LRRIQ3: variants seen among roughly 807,000 people sequenced by gnomAD.
LRRIQ3 encodes the protein leucine rich repeats and IQ motif containing 3, also known as leucine-rich repeat and IQ domain-containing protein 3.
In LRRIQ3, 75 loss-of-function variants were observed where a neutral mutation model predicts 59.3. The ratio of observed to expected loss-of-function variants is 1.26; its 90% CI spans 1.05 to 1.53. The LOEUF is 1.53. Ranked by LOEUF, LRRIQ3 falls within the 40% of genes most tolerant of loss-of-function variation. The pLI is 0.00. For synonymous variants in LRRIQ3, 250 were observed against 231.3 expected (o/e 1.08, Z -0.73); for missense variants, 831 against 710.0 (o/e 1.17, Z -1.94).
chr1:74,196,076 A>G (rs1265473663), intron 1 of LRRIQ3, among the ~76,000 whole-genome samples: 1 of 152,082 alleles, frequency 6.6e-6, no homozygotes, highest in East Asian at 1.9e-4. Context: ...AGCTGATAAT[A>G]TGGTATATTT....
chr1:74,149,628 T>C (rs2100654278), intron 4 of LRRIQ3, among the ~76,000 whole-genome samples: 1 of 152,278 alleles, frequency 6.6e-6, no homozygotes, highest in East Asian at 1.9e-4. Flanking sequence ...GTGCATTTTC[T>C]CATGTTTATT....
At chr1:74,172,659 T>C (rs1318386834) in intron 3 of LRRIQ3, among the ~76,000 whole-genome samples, 1 of 152,180 alleles carries the variant, frequency 6.6e-6, no homozygotes, top group Non-Finnish European at 1.5e-5. Flanking sequence ...CTATCAATTG[T>C]TGAAAGTGGG....
At chr1:74,180,564 A>G (rs1053847771) in intron 3 of LRRIQ3, 9 of 627,904 alleles carry the variant, frequency 1.4e-5, no homozygotes, top group African/African-American at 3.8e-5. Context: ...TTTCTGTCCC[A>G]GTTATCCAGC....
intron 7 of LRRIQ3, among the ~76,000 whole-genome samples, chr1:74,033,290 G>T (rs1653773969): frequency 6.6e-6 from 1 of 151,934 alleles, no homozygotes; most frequent in Non-Finnish European, 1.5e-5. Context: ...CATAATCAAG[G>T]CAATGAAATG....
chr1:74,164,780 A>C (rs887320693), intron 3 of LRRIQ3, among the ~76,000 whole-genome samples: 1 of 151,574 alleles, frequency 6.6e-6, no homozygotes, highest in African/African-American at 2.4e-5. Context: ...AAAATTCTGT[A>C]ACTTTACATC....
intron 3 of LRRIQ3, among the ~76,000 whole-genome samples, chr1:74,165,265 T>C (rs781477070): frequency 2.0e-5 from 3 of 151,614 alleles, no homozygotes; most frequent in Non-Finnish European, 4.4e-5. Context: ...TCTTTATTTT[T>C]ATTTTTTAAA....
At chr1:74,105,259 T>A (rs201572284) in intron 5 of LRRIQ3, among the ~76,000 whole-genome samples, 73 of 22,616 alleles carry the variant, frequency 3.2e-3, no homozygotes, top group Non-Finnish European at 2.9e-3. Context: ...GTGTGTGTAT[T>A]TTTTTTTTTT....
intron 1 of LRRIQ3, among the ~76,000 whole-genome samples, chr1:74,191,890 T>C (rs1650788675): frequency 6.6e-6 from 1 of 151,970 alleles, no homozygotes; most frequent in African/African-American, 2.4e-5. Flanking sequence ...GAGCAGCAAA[T>C]TTAATCCAAA....
intron 3 of LRRIQ3, among the ~76,000 whole-genome samples, chr1:74,170,271 T>C (rs1380693472): frequency 6.6e-6 from 1 of 152,112 alleles, no homozygotes; most frequent in African/African-American, 2.4e-5. Flanking sequence ...GTCAAGAAGG[T>C]TTTCCCCTTT....
chr1:74,031,468 T>C (rs1039501704), intron 7 of LRRIQ3, among the ~76,000 whole-genome samples: 1 of 152,036 alleles, frequency 6.6e-6, no homozygotes, highest in African/African-American at 2.4e-5. Flanking sequence ...TGTAGGGACA[T>C]GGATGAAGCT....
intron 5 of LRRIQ3, among the ~76,000 whole-genome samples, chr1:74,092,764 T>C (rs1488671531): frequency 6.6e-6 from 1 of 152,058 alleles, no homozygotes; most frequent in East Asian, 1.9e-4. Context: ...ATTCTAGTGA[T>C]TCAGGGCCTT....
chr1:74,068,493 T>C (rs1033243668), intron 6 of LRRIQ3, among the ~76,000 whole-genome samples: 2 of 152,094 alleles, frequency 1.3e-5, no homozygotes, highest in African/African-American at 4.8e-5. Flanking sequence ...AGCTGGGCAA[T>C]GCAGGGGAGC....
At chr1:74,127,922 C>A (rs1464980787) in intron 4 of LRRIQ3, among the ~76,000 whole-genome samples, 2 of 151,842 alleles carry the variant, frequency 1.3e-5, no homozygotes, top group Non-Finnish European at 2.9e-5. Context: ...TTGATGAAAT[C>A]CCTCAGTTTT....
intron 7 of LRRIQ3, among the ~76,000 whole-genome samples, chr1:74,039,307 C>T (rs1475856521): frequency 2.0e-5 from 3 of 152,028 alleles, no homozygotes; most frequent in Admixed American, 1.3e-4. Flanking sequence ...AACAAAATCT[C>T]TGAGAAATAT....
intron 4 of LRRIQ3, among the ~76,000 whole-genome samples, chr1:74,143,917 T>A (rs879296330): frequency 1.8e-4 from 28 of 151,896 alleles, no homozygotes; most frequent in Admixed American, 1.3e-4. Context: ...TAATTTTAAA[T>A]GAGACTAATC....
intron 2 of LRRIQ3, 117 bp downstream of exon 2, chr1:74,183,319 G>A: frequency 3.4e-6 from 3 of 878,908 alleles, no homozygotes; most frequent in Non-Finnish European, 5.0e-6. Context: ...TTAAATTTTT[G>A]TTTATATTTT....
chr1:74,085,021 T>A (rs1646311643), intron 5 of LRRIQ3, among the ~76,000 whole-genome samples: 1 of 151,796 alleles, frequency 6.6e-6, no homozygotes, highest in Admixed American at 6.6e-5. Context: ...TATGTTTTAT[T>A]CTTTGACTTG....
chr1:74,198,103 G>C lies in LRRIQ3; in HGVS notation c.-108C>G. The C allele has an allele frequency of 1.5e-6, 2 of 1,345,986 alleles. No individual in the cohort carries two copies. Among genetic ancestry groups the C allele is most frequent in the East Asian group, 2.5e-5 (1 of 39,538 alleles). 83.4% of individuals were successfully genotyped at this position (1,345,986 alleles called of 1,614,324 possible). On this transcript the variant is annotated 5_prime_UTR_variant, in exon 1 of 8. Coordinates refer to ENST00000354431, the MANE Select transcript of LRRIQ3 (RefSeq NM_001105659.2). ...ATCTGCTCCTGAGACCGTTGCTAGA[G>C]AAACAAGACAACATCCAAGTTCTCC...
At chr1:74,183,822 G>A (rs987603451) in intron 1 of LRRIQ3, 138 bp from the exon 2 acceptor site, 1 of 643,414 alleles carries the variant, frequency 1.6e-6, no homozygotes, top group African/African-American at 1.9e-5. Flanking sequence ...CATTCTTATA[G>A]AACTTTCTAT....
Sources: allele counts gnomAD v4.1 joint callset (sites outside exome capture counted in the v4.1 genomes callset), GRCh38; gene constraint gnomAD v4.1.1; transcripts MANE v1.5; gene names NCBI Gene and HGNC (gene_info 2026-07-23, HGNC 2026-07-21).